The following TTN variants were observed in gnomAD, a reference collection of about 807,000 sequenced individuals.
The protein encoded by TTN is connectin.
Under a neutral mutation model 3,223.0 loss-of-function variants are expected in TTN, and 1,525 were observed. The observed-to-expected ratio is 0.47, with a 90% CI of 0.45 to 0.49. The LOEUF (loss-of-function observed/expected upper bound fraction) is 0.49. Ranked by LOEUF, TTN falls within the 20% of genes least tolerant of loss-of-function variation. The pLI is 0.00. For synonymous variants in TTN, 14,094 were observed against 15,161.0 expected (o/e 0.93, Z 5.17); for missense variants, 40,786 against 43,424.0 (o/e 0.94, Z 5.40).
At position 178,533,801 on chromosome 2, in the gene TTN, C is replaced by G. The variant is rs794729562; in HGVS notation, c.102814G>C (p.Gly34272Arg). The change falls in exon 358 of 363, where the codon GGT becomes CGT. Residue 34272 changes from glycine (G) to arginine (R), a missense_variant. By Grantham distance (125) the Gly-to-Arg change is moderately radical (BLOSUM62 -2). Coordinates refer to ENST00000589042, the MANE Select transcript of TTN (RefSeq NM_001267550.2). ...LPLYNKTAYV[G>R]ENVRFGVTIT... is the part of the protein sequence containing the mutation. Reference sequence around the variant, plus strand: ...GTTACTCCAAACCGGACATTTTCACCTACATAAGCTGTCTTATTATAGAGA... The same window carrying G: ...GTTACTCCAAACCGGACATTTTCACGTACATAAGCTGTCTTATTATAGAGA... 20 of 1,613,962 alleles carry G rather than the reference C, an allele frequency of 1.2e-5. No individual in the cohort carries two copies. Among genetic ancestry groups the G allele is most frequent in the Non-Finnish European group, 1.6e-5 (19 of 1,179,872 alleles).
intron 242 of TTN, among the ~76,000 whole-genome samples, chr2:178,623,604 CAAG>C (rs1461048920): frequency 1.3e-5 from 2 of 151,930 alleles, no homozygotes; most frequent in African/African-American, 4.8e-5. Flanking sequence ...GAAGGAGACC[CAAG>C]AAGCTACTTT....
At chr2:178,608,122 T>C in intron 275 of TTN, 41 bp from the exon 276 acceptor site, 2 of 1,605,176 alleles carry the variant, frequency 1.2e-6, no homozygotes, top group East Asian at 2.3e-5. Flanking sequence ...TCCCTGATGG[T>C]TTTAAAATGT....
chr2:178,731,784 G>C lies in TTN; in HGVS notation c.17091C>G (p.Leu5697=), dbSNP rs1401623549. 6.2e-7 allele frequency: 1 copy of C among 1,613,788 alleles called. No homozygotes were observed. Among genetic ancestry groups the C allele is most frequent in the South Asian group, 1.1e-5 (1 of 91,068 alleles). Residue 5697 remains leucine, a synonymous_variant, in exon 58 of 363, where the codon CTC becomes CTG. Transcript: ENST00000589042. ...CGCCAGCATCTGCAGCTACAAACTT[G>C]AGGATCTGCAGGCTAACCAGATGAT... is the stretch of plus-strand genomic sequence containing the variant. ...IQDHLVSLQI[L]KFVAADAGEY...
At chr2:178,596,846 C>G (rs953215915) in intron 294 of TTN, among the ~76,000 whole-genome samples, 7 of 152,002 alleles carry the variant, frequency 4.6e-5, no homozygotes, top group Admixed American at 6.6e-5. Context: ...CTGAGCAAAT[C>G]ACTGGACTAA....
rs200885207 is a variant in TTN at position 178,800,697 on chromosome 2, G to T, written c.296-15C>A. The T allele has an allele frequency of 1.9e-6, 3 of 1,600,800 alleles. No individual in the cohort carries two copies. Among genetic ancestry groups the T allele is most frequent in the Admixed American group, 1.7e-5 (1 of 58,792 alleles). On this transcript the variant is annotated splice_polypyrimidine_tract_variant and intron_variant, in intron 3 of 362. Transcript: ENST00000589042. ...TGCTGTCTCAGCTGCGGGGACAAGA[G>T]AACAAAGTCAAGAGTGAGAGCCAGG...
At position 178,604,292 on chromosome 2, in the gene TTN, A is replaced by G; in HGVS notation, c.54395T>C (p.Ile18132Thr). 2 of 1,462,284 alleles carry G rather than the reference A, an allele frequency of 1.4e-6. No homozygotes were observed. Among genetic ancestry groups the G allele is most frequent in the East Asian group, 2.4e-5 (1 of 42,026 alleles). 90.6% of individuals were successfully genotyped at this position (1,462,284 alleles called of 1,614,324 possible). A position where few individuals can be genotyped will look rare whatever the true frequency, so the allele number is the denominator to read the frequency against. ...TCGGAACTCATACTGACCATTGGGG[A>G]TAAGTTTCCAGATCTAGAAATTAGA... is the stretch of plus-strand genomic sequence containing the variant. Reference protein sequence around the residue: ...VEKRYGIWKLIPNGQYEFRVR... With the variant: ...VEKRYGIWKLTPNGQYEFRVR... The change falls in exon 282 of 363, where the codon ATC becomes ACC. Residue 18132 changes from isoleucine to threonine, a missense_variant. By Grantham distance (89) the Ile-to-Thr change is moderately conservative. Transcript: ENST00000589042.
Position 178,741,550 on chromosome 2 carries a change from T to A in TTN, c.11683A>T (p.Ser3895Cys), listed in dbSNP as rs772765158. Reference sequence around the variant, plus strand: ...CATATTGTCTTTCCATAGTCATTACTGGCCATACATGTATACTCTCCCTCA... The same window carrying A: ...CATATTGTCTTTCCATAGTCATTACAGGCCATACATGTATACTCTCCCTCA... ...EDEGEYTCMASNDYGKTICSA... is the reference protein window; with the variant it reads ...EDEGEYTCMACNDYGKTICSA... The change falls in exon 48 of 363, where the codon AGT (serine) becomes TGT (cysteine). Residue 3895 changes from serine (S) to cysteine (C), a missense_variant. Transcript: ENST00000589042. 1.9e-6 allele frequency: 3 copies of A among 1,613,896 alleles called. No individual in the cohort carries two copies. Among genetic ancestry groups the A allele is most frequent in the Non-Finnish European group, 2.5e-6 (3 of 1,179,824 alleles).
rs1425317708 is a variant in TTN at position 178,581,687 on chromosome 2, T to A, written c.66581A>T (p.Glu22194Val). 1.2e-6 allele frequency: 2 copies of A among 1,612,444 alleles called. No homozygotes were observed. Among genetic ancestry groups the A allele is most frequent in the African/African-American group, 2.7e-5 (2 of 74,972 alleles). The change falls in exon 316 of 363, where the codon GAA becomes GTA. Residue 22194 changes from glutamate to valine, a missense_variant. By Grantham distance (121) the Glu-to-Val change is moderately radical. Transcript: ENST00000589042. The stretch of plus-strand genomic sequence containing the variant: ...GTTATCGGAGTCAGCCCGTTTTACT[T>A]CAACGAGATAACCAATGATAGGGCT... ...GGSPIIGYLV[E>V]VKRADSDNWV...
chr2:178,605,149 G>A lies in TTN; in HGVS notation c.54028C>T (p.Pro18010Ser). ...TTGGTTATCTGAAGTGCATCAGTGG[G>A]TTTTTCAATTACAGTTTCATTTTTG... is the stretch of plus-strand genomic sequence containing the variant. Reference protein sequence around the residue: ...WSKNETVIEKPTDALQITKEE... With the variant: ...WSKNETVIEKSTDALQITKEE... The change falls in exon 280 of 363, where the codon CCC (proline) becomes TCC (serine). Residue 18010 changes from proline to serine, a missense_variant. Coordinates refer to ENST00000589042, the MANE Select transcript of TTN (RefSeq NM_001267550.2). The A allele has an allele frequency of 1.9e-6, 3 of 1,612,538 alleles. No homozygotes were observed. Among genetic ancestry groups the A allele is most frequent in the Non-Finnish European group, 2.5e-6 (3 of 1,179,160 alleles).
chr2:178,558,268 A>C, intron 327 of TTN, 33 bp from the exon 328 acceptor site: 1 of 1,590,100 alleles, frequency 6.3e-7, no homozygotes. Context: ...GAAAGTGAAA[A>C]AGTGTTTCTG....
Position 178,553,122 on chromosome 2 carries a change from C to CA in TTN, c.89777dup (p.Ser29927GlufsTer3). On this transcript the variant is annotated frameshift_variant, in exon 335 of 363. Transcript: ENST00000589042. LOFTEE classifies it high-confidence loss of function. ...CTGGTGTGTCAAGCACTTTAACACTCACAGTTGAAGACTTAGGTTCACCAA... is the reference window on the plus strand; with the variant it reads ...CTGGTGTGTCAAGCACTTTAACACTCAACAGTTGAAGACTTAGGTTCACCAA... The CA allele has an allele frequency of 6.2e-7, 1 of 1,611,790 alleles. No homozygotes were observed. The highest frequency in any genetic ancestry group is 1.1e-5 in the South Asian group (1 of 90,988).
rs764856949 is a variant in TTN at position 178,740,690 on chromosome 2, G to A, written c.12543C>T (p.Thr4181=). ...ACATGGCACTTGGGAAGATTTTCTC[G>A]GTATCTGATAGAACTGCCTGTGTCT... ...EPETQAVLSD[T]EKIFPSAMSI... The change falls in exon 48 of 363, where the codon ACC becomes ACT. Residue 4181 remains threonine, a synonymous_variant. Coordinates refer to ENST00000589042, the MANE Select transcript of TTN (RefSeq NM_001267550.2). 4.6e-5 allele frequency: 75 copies of A among 1,613,630 alleles called. No homozygotes were observed. The highest frequency in any genetic ancestry group is 1.7e-4 in the African/African-American group (13 of 74,890).
In TTN at chr2:178,537,219, G is replaced by A. The variant is rs369205591; in HGVS notation, c.99890C>T (p.Pro33297Leu). ...IQDKPDKPTG[P>L]IVIEALLKNS... Reference sequence around the variant, plus strand: ...CTTCAATAGAGCTTCGATCACAATTGGTCCTGTAGGTTTGTCTGGTTTATC... The same window carrying A: ...CTTCAATAGAGCTTCGATCACAATTAGTCCTGTAGGTTTGTCTGGTTTATC... Residue 33297 changes from proline (P) to leucine (L), a missense_variant, in exon 356 of 363, where the codon CCA becomes CTA. By Grantham distance (98) the Pro-to-Leu change is moderately conservative (BLOSUM62 -3). Transcript: ENST00000589042. The A allele has an allele frequency of 6.2e-7, 1 of 1,603,090 alleles. No homozygotes were observed. Among genetic ancestry groups the A allele is most frequent in the Admixed American group, 1.7e-5 (1 of 59,440 alleles).
chr2:178,567,297 C>T lies in TTN; in HGVS notation c.78835G>A (p.Val26279Ile). Reference sequence around the variant, plus strand: ...GGTCTATCTAATACTTTTACATTTACTGGGAATGACTTAGAACCTGCAACA... The same window carrying T: ...GGTCTATCTAATACTTTTACATTTATTGGGAATGACTTAGAACCTGCAACA... The part of the protein sequence containing the change: ...SNVAGSKSFP[V>I]NVKVLDRPGP... Residue 26279 changes from valine (V) to isoleucine (I), a missense_variant, in exon 326 of 363, where the codon GTA becomes ATA. Coordinates refer to ENST00000589042, the MANE Select transcript of TTN (RefSeq NM_001267550.2). 6.2e-7 allele frequency: 1 copy of T among 1,606,922 alleles called. No individual in the cohort carries two copies. Among genetic ancestry groups the T allele is most frequent in the Non-Finnish European group, 8.5e-7 (1 of 1,177,310 alleles).
rs539800132 is a variant in TTN, at chr2:178,678,154, G to A, written c.33965C>T (p.Pro11322Leu). The A allele has an allele frequency of 1.9e-5, 31 of 1,610,866 alleles. 1 individual carries two copies. The highest frequency in any genetic ancestry group is 3.4e-5 in the Admixed American group (2 of 59,566). Residue 11322 changes from proline (P) to leucine (L), a missense_variant, in exon 145 of 363, where the codon CCG becomes CTG. Physicochemically the swap from Pro to Leu is moderately conservative, Grantham distance 98. Coordinates refer to ENST00000589042, the MANE Select transcript of TTN (RefSeq NM_001267550.2). ...IPEEKKPTPV[P>L]KKVEAPPPKV... is the part of the protein sequence containing the mutation. ...GGGTGGTGGTGCTTCCACTTTTTTC[G>A]GAACAGGTGTTGGTTTCTTTTCTTC... is the stretch of plus-strand genomic sequence containing the variant.
rs534544687 is a variant in TTN, at chr2:178,599,501, G to GTTAT, written c.56347+49_56347+52dup. On this transcript the variant is annotated intron_variant, in intron 289 of 362. Coordinates refer to ENST00000589042, the MANE Select transcript of TTN (RefSeq NM_001267550.2). ...CACTCAGATGATTTTAAAGCCAAAT[G>GTTAT]TTATTTATGAACAGAAAAACAAGTA... 994 of 1,517,708 alleles carry GTTAT rather than the reference G, an allele frequency of 6.5e-4. 9 individuals carry two copies. In the South Asian group the frequency reaches 0.013, roughly 20 times the overall value. 94.0% of individuals were successfully genotyped at this position (1,517,708 alleles called of 1,614,324 possible). A position where few individuals can be genotyped will look rare whatever the true frequency, so the allele number is the denominator to read the frequency against.
Position 178,764,427 on chromosome 2 carries a change from C to T in TTN, c.9988+100G>A, listed in dbSNP as rs1041655398. Reference sequence around the variant, plus strand: ...GCTTTCAAAGTTGGGTAGCAATCTACTTTTATGAGCTCCAAATTGTATTTT... The same window carrying T: ...GCTTTCAAAGTTGGGTAGCAATCTATTTTTATGAGCTCCAAATTGTATTTT... On this transcript the variant is annotated intron_variant, in intron 42 of 362. Transcript: ENST00000589042. 5 of 1,610,926 alleles carry T rather than the reference C, an allele frequency of 3.1e-6. No individual in the cohort carries two copies. In the East Asian group the frequency reaches 6.7e-5, roughly 22 times the overall value.
rs368714667 is a variant in TTN at position 178,547,943 on chromosome 2, T to C, written c.93683A>G (p.Lys31228Arg). Reference protein sequence around the residue: ...TGITNQLITCKAGSPFTIDVP... With the variant: ...TGITNQLITCRAGSPFTIDVP... ...GTCAATGGTAAATGGGCTTCCTGCT[T>C]TGCAAGTTATAAGCTGATTGGTAAT... Residue 31228 changes from lysine (K) to arginine (R), a missense_variant, in exon 339 of 363, where the codon AAA becomes AGA. Lys to Arg is a conservative substitution (Grantham distance 26, BLOSUM62 2). Coordinates refer to ENST00000589042, the MANE Select transcript of TTN (RefSeq NM_001267550.2). 55 of 1,613,670 alleles carry C rather than the reference T, an allele frequency of 3.4e-5. No homozygotes were observed. The highest frequency in any genetic ancestry group is 4.7e-5 in the Non-Finnish European group (55 of 1,179,816).
intron 24 of TTN, chr2:178,778,331 G>C (rs930591849): frequency 2.1e-5 from 6 of 291,212 alleles, no homozygotes; most frequent in African/African-American, 1.3e-4. Context: ...GGTTGGATAA[G>C]TAAACCAATG....
Sources: allele counts gnomAD v4.1 joint callset (sites outside exome capture counted in the v4.1 genomes callset), GRCh38; gene constraint gnomAD v4.1.1; transcripts MANE v1.5; gene names NCBI Gene and HGNC (gene_info 2026-07-23, HGNC 2026-07-21).